CDC42BPG: variants seen among roughly 807,000 people sequenced by gnomAD.
CDC42BPG encodes serine/threonine-protein kinase MRCK gamma.
Under a neutral mutation model 192.2 loss-of-function variants are expected in CDC42BPG, and 157 were observed. The observed-to-expected ratio is 0.82, with a 90% CI of 0.72 to 0.93. The LOEUF is 0.93. Among genes scored for constraint, CDC42BPG ranks in the 40% least tolerant of loss-of-function variants. The probability of loss-of-function intolerance (pLI) is 0.00; values close to 1 mark genes in which losing one functional copy is unlikely to be tolerated. For missense variants in CDC42BPG, 1,992 were observed against 2,122.1 expected, an observed-to-expected ratio of 0.94 and a Z score of 1.20; for synonymous variants, 981 against 918.5, an observed-to-expected ratio of 1.07 and a Z score of -1.23.
intron 1 of CDC42BPG, among the ~76,000 whole-genome samples, chr11:64,843,950 G>C (rs1487652806): frequency 6.6e-6 from 1 of 152,192 alleles, no homozygotes; most frequent in African/African-American, 2.4e-5. Context: ...ATGCGGTCGG[G>C]GTGGTCTGCA....
At chr11:64,837,106 T>C (rs1227517794) in intron 9 of CDC42BPG, 87 bp from the exon 10 acceptor site, 13 of 1,191,314 alleles carry the variant, frequency 1.1e-5, no homozygotes, top group South Asian at 3.7e-5. Context: ...CACTCATTAA[T>C]TGTGAAACAG....
chr11:64,839,444 A>G (rs369926272), intron 6 of CDC42BPG, 34 bp downstream of exon 6: 118 of 888,012 alleles, frequency 1.3e-4, no homozygotes, highest in Non-Finnish European at 1.9e-4. Context: ...CCCGCCTTGT[A>G]TCCCCTGCTC....
rs749921349 is a variant in CDC42BPG at position 64,838,805 on chromosome 11, C to A, written c.974G>T (p.Arg325Leu). Reference sequence around the variant, plus strand: ...GTTCCGGAAGTCATCCAGCCCACCACGGCCTAGCCGCTCTTCCTGGCGACA... The same window carrying A: ...GTTCCGGAAGTCATCCAGCCCACCAAGGCCTAGCCGCTCTTCCTGGCGACA... The part of the protein sequence containing the change: ...LLCRQEERLG[R>L]GGLDDFRNHP... The change falls in exon 8 of 37, where the codon CGT (arginine) becomes CTT (leucine). Residue 325 changes from arginine (R) to leucine (L), a missense_variant. Transcript: ENST00000342711. 1 of 1,612,692 alleles carries A rather than the reference C, an allele frequency of 6.2e-7. No individual in the cohort carries two copies. The highest frequency in any genetic ancestry group is 8.5e-7 in the Non-Finnish European group (1 of 1,180,030).
chr11:64,828,123 T>G (rs1470375042), intron 30 of CDC42BPG, among the ~76,000 whole-genome samples: 1 of 152,154 alleles, frequency 6.6e-6, no homozygotes, highest in Non-Finnish European at 1.5e-5. Context: ...TCCTGAGAGC[T>G]GCGATTTGGC....
chr11:64,832,643 C>T lies in CDC42BPG; in HGVS notation c.2966G>A (p.Ser989Asn). The T allele has an allele frequency of 6.2e-7, 1 of 1,613,832 alleles. No homozygotes were observed. The highest frequency in any genetic ancestry group is 1.1e-5 in the South Asian group (1 of 91,074). The change falls in exon 26 of 37, where the codon AGC (serine) becomes AAC (asparagine). Residue 989 changes from serine to asparagine, a missense_variant. Physicochemically the swap from Ser to Asn is conservative, Grantham distance 46. Around this residue, in one of 2 missense-constraint regions of CDC42BPG, gnomAD observed 1,656 missense variants for 1,844.3 expected, o/e 0.90. Transcript: ENST00000342711. ...CTGCAGGAGGGCCCCACTGGGCGGG[C>T]TGAGCCTCAGGTCAGGGGCGTCAAA... is the stretch of plus-strand genomic sequence containing the variant. ...LLFDAPDLRL[S>N]PPSGALLQVL... is the part of the protein sequence containing the mutation.
At chr11:64,838,527 T>C in intron 8 of CDC42BPG, 127 bp downstream of exon 8, 3 of 1,307,370 alleles carry the variant, frequency 2.3e-6, no homozygotes, top group Non-Finnish European at 3.2e-6. Flanking sequence ...TGGGAGTCCA[T>C]AAATCATAAG....
intron 18 of CDC42BPG, 88 bp downstream of exon 18, chr11:64,834,761 G>A (rs1942892173): frequency 2.1e-6 from 3 of 1,401,918 alleles, no homozygotes; most frequent in Non-Finnish European, 2.9e-6. Flanking sequence ...CCCACCTCCA[G>A]TAGTGACCTT....
intron 9 of CDC42BPG, 55 bp downstream of exon 9, chr11:64,838,028 C>T: frequency 1.4e-6 from 2 of 1,465,744 alleles, no homozygotes; most frequent in East Asian, 2.5e-5. Flanking sequence ...CGCCCAGTGT[C>T]CTCCAGGTCA....
rs1197695616 is a variant in CDC42BPG, at chr11:64,832,868, G to T, written c.2823C>A (p.His941Gln). The T allele has an allele frequency of 2.6e-6, 4 of 1,567,490 alleles. No homozygotes were observed. The Admixed American group carries it at 7.5e-5, about 29-fold the overall frequency. The change falls in exon 25 of 37, where the codon CAC becomes CAA. Residue 941 changes from histidine to glutamine, a missense_variant. Coordinates refer to ENST00000342711, the MANE Select transcript of CDC42BPG (RefSeq NM_017525.3). ...AGGCAGTGCCTGTGCCTGTTTCGGGGTGTACTCCCAGGGCTGTGCGGAGGA... is the reference window on the plus strand; with the variant it reads ...AGGCAGTGCCTGTGCCTGTTTCGGGTTGTACTCCCAGGGCTGTGCGGAGGA... ...PDLLRTALGV[H>Q]PETGTGTAYE...
intron 18 of CDC42BPG, 27 bp from the exon 19 acceptor site, chr11:64,834,604 G>A: frequency 6.5e-7 from 1 of 1,526,930 alleles, no homozygotes; most frequent in Non-Finnish European, 8.8e-7. Flanking sequence ...ACCCGTATAA[G>A]ATGCTTTCTA....
chr11:64,839,667 C>T, intron 5 of CDC42BPG, 96 bp from the exon 6 acceptor site: 1 of 917,352 alleles, frequency 1.1e-6, no homozygotes, highest in Non-Finnish European at 1.7e-6. Flanking sequence ...TGTGTGCCAG[C>T]ACCAGCTCAC....
chr11:64,827,022 G>A (rs1212534652), intron 34 of CDC42BPG, 28 bp downstream of exon 34: 3 of 1,483,480 alleles, frequency 2.0e-6, no homozygotes, highest in Non-Finnish European at 2.8e-6. Flanking sequence ...TCACCAAAGT[G>A]GCTTGTGATT....
chr11:64,834,839 T>G lies in CDC42BPG; in HGVS notation c.2175+10A>C. On this transcript the variant is annotated intron_variant, in intron 18 of 36. Coordinates refer to ENST00000342711, the MANE Select transcript of CDC42BPG (RefSeq NM_017525.3). ...CCAAGCCAGCCCCCAGGGGCATCTC[T>G]GGGGCTCACCAGTGGCCGGGCAGGG... 1 of 1,610,688 alleles carries G rather than the reference T, an allele frequency of 6.2e-7. No homozygotes were observed. Among genetic ancestry groups the G allele is most frequent in the Non-Finnish European group, 8.5e-7 (1 of 1,178,366 alleles).
Position 64,836,705 on chromosome 11 carries a change from CTGGGGG to C in CDC42BPG, c.1384+28_1384+33del, listed in dbSNP as rs1410288890. 85 of 353,486 alleles carry C rather than the reference CTGGGGG, an allele frequency of 2.4e-4. 1 individual carries two copies. Among genetic ancestry groups the C allele is most frequent in the African/African-American group, 2.0e-3 (36 of 17,818 alleles). 21.9% of individuals were successfully genotyped at this position (353,486 alleles called of 1,614,324 possible). A position where few individuals can be genotyped will look rare whatever the true frequency, so the allele number is the denominator to read the frequency against. On this transcript the variant is annotated intron_variant, in intron 11 of 36. Transcript: ENST00000342711. ...ACCCGAGCCCAGGTGGGACTCAGCC[CTGGGGG>C]GGGGGGGGGGGTGGGCGGAAGGGAT...
chr11:64,838,744 C>T lies in CDC42BPG; in HGVS notation c.1035G>A (p.Leu345=). 6.2e-7 allele frequency: 1 copy of T among 1,613,060 alleles called. No homozygotes were observed. The highest frequency in any genetic ancestry group is 8.5e-7 in the Non-Finnish European group (1 of 1,180,030). The part of the protein sequence containing the change: ...PFFEGVDWER[L]ASSTAPYIPE... ...GAATATAGGGGGCCGTGCTGCTCGC[C>T]AGCCGCTCCCAGTCCACGCCTTCGA... Residue 345 remains leucine, a synonymous_variant, in exon 8 of 37, where the codon CTG becomes CTA. Transcript: ENST00000342711.
rs1714184817 is a variant in CDC42BPG at position 64,839,215 on chromosome 11, C to T, written c.694G>A (p.Val232Ile). The change falls in exon 7 of 37, where the codon GTA becomes ATA. Residue 232 changes from valine to isoleucine, a missense_variant. By Grantham distance (29) the Val-to-Ile change is conservative (BLOSUM62 3). Transcript: ENST00000342711. ...GGGGAGATATAGTCCGGCGTCCCTA[C>T]TGCCACTGATGAATCCACCTGTGGG... Reference protein sequence around the residue: ...TNGMVDSSVAVGTPDYISPEI... With the variant: ...TNGMVDSSVAIGTPDYISPEI... 6.2e-7 allele frequency: 1 copy of T among 1,613,112 alleles called. No homozygotes were observed. Among genetic ancestry groups the T allele is most frequent in the African/African-American group, 1.3e-5 (1 of 74,944 alleles).
At chr11:64,839,662 GC>G in intron 5 of CDC42BPG, 91 bp from the exon 6 acceptor site, 1 of 1,000,036 alleles carries the variant, frequency 1.0e-6, no homozygotes, top group Non-Finnish European at 1.5e-6. Flanking sequence ...CACGGTGTGT[GC>G]CAGCACCAGC....
At position 64,835,788 on chromosome 11, in the gene CDC42BPG, G is replaced by T; in HGVS notation, c.1732C>A (p.Arg578Ser). 1 of 1,613,412 alleles carries T rather than the reference G, an allele frequency of 6.2e-7. No homozygotes were observed. The highest frequency in any genetic ancestry group is 8.5e-7 in the Non-Finnish European group (1 of 1,179,950). The change falls in exon 14 of 37, where the codon CGC (arginine) becomes AGC (serine). Residue 578 changes from arginine to serine, a missense_variant. Around this residue, in one of 2 missense-constraint regions of CDC42BPG, gnomAD observed 1,656 missense variants for 1,844.3 expected, o/e 0.90. Coordinates refer to ENST00000342711, the MANE Select transcript of CDC42BPG (RefSeq NM_017525.3). Reference sequence around the variant, plus strand: ...TTGGCCTGGGACGACTCCTCAAGGCGTTGCTCCCACTGTCCCTGCAGCTGC... The same window carrying T: ...TTGGCCTGGGACGACTCCTCAAGGCTTTGCTCCCACTGTCCCTGCAGCTGC... ...VTQLQGQWEQ[R>S]LEESSQAKTI...
rs986124688 is a variant in CDC42BPG at position 64,832,854 on chromosome 11, G to A, written c.2837C>T (p.Thr946Ile). The change falls in exon 25 of 37, where the codon ACA becomes ATA. Residue 946 changes from threonine (T) to isoleucine (I), a missense_variant. By Grantham distance (89) the Thr-to-Ile change is moderately conservative (BLOSUM62 -1). This residue lies in a region of CDC42BPG where 1,656 missense variants were observed against 1,844.3 expected (regional missense o/e 0.90). Transcript: ENST00000342711. Reference sequence around the variant, plus strand: ...CAGAAAGCCCTCATAGGCAGTGCCTGTGCCTGTTTCGGGGTGTACTCCCAG... The same window carrying A: ...CAGAAAGCCCTCATAGGCAGTGCCTATGCCTGTTTCGGGGTGTACTCCCAG... Reference protein sequence around the residue: ...TALGVHPETGTGTAYEGFLSV... With the variant: ...TALGVHPETGIGTAYEGFLSV... 5 of 1,575,540 alleles carry A rather than the reference G, an allele frequency of 3.2e-6. No homozygotes were observed. The highest frequency in any genetic ancestry group is 1.4e-5 in the African/African-American group (1 of 73,576).
Sources: allele counts gnomAD v4.1 joint callset (sites outside exome capture counted in the v4.1 genomes callset), GRCh38; gene constraint gnomAD v4.1.1; regional missense constraint gnomAD v4.1.1; transcripts MANE v1.5; gene names NCBI Gene and HGNC (gene_info 2026-07-23, HGNC 2026-07-21).